The following USF3 variants were observed in gnomAD, a reference collection of about 807,000 sequenced individuals.
USF3 encodes the protein basic helix-loop-helix domain-containing protein USF3.
A neutral mutation model predicts 157.5 loss-of-function variants in USF3; 29 were observed. The observed-to-expected ratio is 0.18, with a 90% CI of 0.14 to 0.25. USF3 has a LOEUF of 0.25. Among genes scored for constraint, USF3 ranks in the 10% least tolerant of loss-of-function variants. The pLI, the probability that USF3 is intolerant of heterozygous loss-of-function variation, is 1.00. For missense variants in USF3, 2,381 were observed against 2,667.6 expected, an observed-to-expected ratio of 0.89 and a Z score of 2.37; for synonymous variants, 893 against 941.4, an observed-to-expected ratio of 0.95 and a Z score of 0.94.
chr3:113,683,163 C>G (rs1199581790), intron 1 of USF3, among the ~76,000 whole-genome samples: 1 of 151,708 alleles, frequency 6.6e-6, no homozygotes, highest in East Asian at 1.9e-4. Context: ...CAAATAACAC[C>G]TTATAACCCA....
chr3:113,674,301 A>G (rs188297359), intron 3 of USF3, among the ~76,000 whole-genome samples: 1 of 152,286 alleles, frequency 6.6e-6, no homozygotes, highest in African/African-American at 2.4e-5. Context: ...AACTACTGAC[A>G]GTCATTCTTG....
Position 113,656,849 on chromosome 3 carries a change from C to T in USF3, c.4833G>A (p.Gln1611=). Residue 1611 remains glutamine (Q), a synonymous_variant, in exon 7 of 7, where the codon CAG becomes CAA. Coordinates refer to ENST00000316407, the MANE Select transcript of USF3 (RefSeq NM_001009899.4). ...GTTCAGATGAAACCCCTGAACCTTG[C>T]TGTCTGCTTCCAACATCCTGCTGTT... ...MHQQQDVGSR[Q]QGSGVSSEHV... is the part of the protein sequence containing the mutation. 1.2e-6 allele frequency: 2 copies of T among 1,614,228 alleles called. No homozygotes were observed. The highest frequency in any genetic ancestry group is 1.6e-4 in the Middle Eastern group (1 of 6,062).
chr3:113,673,462 A>G, intron 3 of USF3, 86 bp from the exon 4 acceptor site: 1 of 783,664 alleles, frequency 1.3e-6, no homozygotes, highest in Non-Finnish European at 2.2e-6. Flanking sequence ...TCACAAAAAT[A>G]AATTTTATGA....
chr3:113,661,001 A>C lies in USF3; in HGVS notation c.681T>G (p.Leu227=). The C allele has an allele frequency of 6.2e-7, 1 of 1,614,184 alleles. No homozygotes were observed. The highest frequency in any genetic ancestry group is 8.5e-7 in the Non-Finnish European group (1 of 1,180,034). Reference sequence around the variant, plus strand: ...TACTCTGAGCAGAAATGGCAGCAGGAAGACAAAGAGGAACAGGCTGGTTGG... The same window carrying C: ...TACTCTGAGCAGAAATGGCAGCAGGCAGACAAAGAGGAACAGGCTGGTTGG... ...LATNQPVPLC[L]PAAISAQSIL... The change falls in exon 7 of 7, where the codon CTT becomes CTG. Residue 227 remains leucine, a synonymous_variant. Transcript: ENST00000316407.
intron 3 of USF3, 31 bp downstream of exon 3, chr3:113,674,801 A>G: frequency 6.3e-7 from 1 of 1,594,464 alleles, no homozygotes; most frequent in Non-Finnish European, 8.6e-7. Context: ...ATCTGCCCAA[A>G]GCATATTATA....
At chr3:113,680,773 G>A (rs1401898447) in intron 1 of USF3, among the ~76,000 whole-genome samples, 1 of 149,434 alleles carries the variant, frequency 6.7e-6, no homozygotes, top group African/African-American at 2.5e-5. Flanking sequence ...ACTCCAGCGT[G>A]AGTGACAGAA....
In USF3 at chr3:113,654,501, G is replaced by A. The variant is rs1947318700; in HGVS notation, c.*443C>T. 6.3e-6 allele frequency: 1 copy of A among 158,520 alleles called. No individual in the cohort carries two copies. Among genetic ancestry groups the A allele is most frequent in the Non-Finnish European group, 1.4e-5 (1 of 72,356 alleles). 9.8% of individuals were successfully genotyped at this position (158,520 alleles called of 1,614,324 possible). ...CTGTCATAGGTAAGAAGCTGTTCTA[G>A]ATGCTGACATTAGCCAGCACTTGAT... On this transcript the variant is annotated 3_prime_UTR_variant, in exon 7 of 7. Coordinates refer to ENST00000316407, the MANE Select transcript of USF3 (RefSeq NM_001009899.4).
In USF3 at chr3:113,654,128, T is replaced by C. The variant is rs1208611770; in HGVS notation, c.*816A>G. 1 of 152,756 alleles carries C rather than the reference T, an allele frequency of 6.5e-6. No homozygotes were observed. The highest frequency in any genetic ancestry group is 3.4e-3 in the Middle Eastern group (1 of 294). The allele number at this position is 152,756 out of a possible 1,614,324, so 9.5% of individuals were successfully genotyped here. A position where few individuals can be genotyped will look rare whatever the true frequency, so the allele number is the denominator to read the frequency against. On this transcript the variant is annotated 3_prime_UTR_variant, in exon 7 of 7. Transcript: ENST00000316407. ...AAACATCCATTGTTAACTGCACCCA[T>C]GCAAAACTCCACAATACAACTAACT...
At chr3:113,666,788 C>G (rs1947577278) in intron 5 of USF3, among the ~76,000 whole-genome samples, 1 of 151,294 alleles carries the variant, frequency 6.6e-6, no homozygotes, top group Non-Finnish European at 1.5e-5. Flanking sequence ...TGAGGTTTCA[C>G]CATGTTAACC....
chr3:113,694,323 C>G (rs1707755816), intron 1 of USF3, among the ~76,000 whole-genome samples: 1 of 152,172 alleles, frequency 6.6e-6, no homozygotes, highest in Non-Finnish European at 1.5e-5. Context: ...GTTGACAAGG[C>G]TAAGCTCTGA....
Position 113,655,444 on chromosome 3 carries a change from T to G in USF3, c.6238A>C (p.Asn2080His). ...EGGMNPPINA[N>H]ASFIPQVTQP... is the part of the protein sequence containing the mutation. ...GTAACCTGTGGAATGAAAGAAGCATTAGCATTTATTGGTGGATTCATGCCA... is the reference window on the plus strand; with the variant it reads ...GTAACCTGTGGAATGAAAGAAGCATGAGCATTTATTGGTGGATTCATGCCA... Residue 2080 changes from asparagine (N) to histidine (H), a missense_variant, in exon 7 of 7, where the codon AAT becomes CAT. By Grantham distance (68) the Asn-to-His change is moderately conservative. Transcript: ENST00000316407. 1 of 1,613,960 alleles carries G rather than the reference T, an allele frequency of 6.2e-7. No individual in the cohort carries two copies. Among genetic ancestry groups the G allele is most frequent in the East Asian group, 2.2e-5 (1 of 44,888 alleles).
Position 113,658,331 on chromosome 3 carries a change from TG to T in USF3, c.3350del (p.Thr1117LysfsTer11). Reference protein sequence around the residue: ...TTREDVTSNATTNTCDSCTFV... With the variant: ...TTREDVTSNAXTNTCDSCTFV... ...AGGTACAGCTGTCACATGTATTAGT[TG>T]TTGCATTGCTGGTCACATCTTCTCT... On this transcript the variant is annotated frameshift_variant, in exon 7 of 7. Transcript: ENST00000316407. LOFTEE classifies it high-confidence loss of function. 6.2e-7 allele frequency: 1 copy of T among 1,614,224 alleles called. No homozygotes were observed. Among genetic ancestry groups the T allele is most frequent in the Non-Finnish European group, 8.5e-7 (1 of 1,180,034 alleles).
chr3:113,670,916 T>C (rs1471204989), intron 4 of USF3, among the ~76,000 whole-genome samples: 1 of 152,026 alleles, frequency 6.6e-6, no homozygotes, highest in Non-Finnish European at 1.5e-5. Flanking sequence ...TATTTTTTTT[T>C]GTATTTTTAG....
chr3:113,686,393 T>C (rs1577052792), intron 1 of USF3, among the ~76,000 whole-genome samples: 1 of 152,248 alleles, frequency 6.6e-6, no homozygotes, highest in East Asian at 1.9e-4. Context: ...CTGTCTTTCC[T>C]ACCATCTTCA....
intron 5 of USF3, among the ~76,000 whole-genome samples, chr3:113,669,255 C>G (rs989019484): frequency 1.3e-5 from 2 of 151,532 alleles, no homozygotes; most frequent in African/African-American, 4.8e-5. Context: ...AATAGATAAT[C>G]TCTAAAATTG....
rs1338112910 is a variant in USF3, at chr3:113,655,232, G to A, written c.6450C>T (p.Asn2150=). The change falls in exon 7 of 7, where the codon AAC becomes AAT. Residue 2150 remains asparagine, a synonymous_variant. Transcript: ENST00000316407. ...GAGGAGATAAAATTGATCCAAATCG[G>A]TTATTTAAACTTCCACTGTTTACCT... The part of the protein sequence containing the change: ...TEKVNSGSLN[N]RFGSILSPPR... The A allele has an allele frequency of 6.2e-7, 1 of 1,614,164 alleles. No homozygotes were observed. Among genetic ancestry groups the A allele is most frequent in the South Asian group, 1.1e-5 (1 of 91,086 alleles).
At chr3:113,680,356 T>C (rs1707384527) in intron 1 of USF3, among the ~76,000 whole-genome samples, 1 of 152,200 alleles carries the variant, frequency 6.6e-6, no homozygotes, top group South Asian at 2.1e-4. Context: ...AATTTATTTC[T>C]TCTAGGTTTT....
rs1415355463 is a variant in USF3 at position 113,656,272 on chromosome 3, T to A, written c.5410A>T (p.Asn1804Tyr). Reference sequence around the variant, plus strand: ...TCACTGTCCCTTGATGGAATACCATTTCCTGTTGGGATGCTCTGAACTGGT... The same window carrying A: ...TCACTGTCCCTTGATGGAATACCATATCCTGTTGGGATGCTCTGAACTGGT... ...YPPVQSIPTG[N>Y]GIPSRDSENT... Residue 1804 changes from asparagine to tyrosine, a missense_variant, in exon 7 of 7, where the codon AAT becomes TAT. Transcript: ENST00000316407. 6.2e-7 allele frequency: 1 copy of A among 1,614,090 alleles called. No individual in the cohort carries two copies. The highest frequency in any genetic ancestry group is 8.5e-7 in the Non-Finnish European group (1 of 1,180,036).
chr3:113,651,141 G>T lies in USF3; in HGVS notation c.*3803C>A, dbSNP rs1313909212. ...TAGAAGTTATTGTTAAATGTTGAAAGGAATCAACCACTTTTTATAACGGAC... is the reference window on the plus strand; with the variant it reads ...TAGAAGTTATTGTTAAATGTTGAAATGAATCAACCACTTTTTATAACGGAC... On this transcript the variant is annotated 3_prime_UTR_variant, in exon 7 of 7. Coordinates refer to ENST00000316407, the MANE Select transcript of USF3 (RefSeq NM_001009899.4). The T allele has an allele frequency of 6.6e-6, 1 of 152,092 alleles. No individual in the cohort carries two copies. The highest frequency in any genetic ancestry group is 1.5e-5 in the Non-Finnish European group (1 of 68,020). 9.4% of individuals were successfully genotyped at this position (152,092 alleles called of 1,614,324 possible). A position where few individuals can be genotyped will look rare whatever the true frequency, so the allele number is the denominator to read the frequency against.
Sources: gnomAD v4.1 joint callset for allele counts (sites outside exome capture counted in the v4.1 genomes callset) on GRCh38, gnomAD v4.1.1 for gene constraint, MANE v1.5 for transcripts, NCBI Gene and HGNC (gene_info 2026-07-23, HGNC 2026-07-21) for gene names.